MBOAT1: variants seen among roughly 807,000 people sequenced by gnomAD.
MBOAT1 encodes the protein membrane-bound glycerophospholipid O-acyltransferase 1.
MBOAT1 carries 67 observed loss-of-function variants against 64.4 expected under a neutral mutation model. That is an observed-to-expected ratio of 1.04 (90% CI 0.85 to 1.27). MBOAT1 has a LOEUF of 1.27. MBOAT1 is among the 50% of genes most tolerant of loss of function. The pLI is 0.00. For synonymous variants in MBOAT1, 229 were observed against 218.9 expected (o/e 1.05, Z -0.41); for missense variants, 563 against 604.6 (o/e 0.93, Z 0.72).
intron 11 of MBOAT1, 35 bp from the exon 12 acceptor site, chr6:20,109,784 G>A: frequency 6.3e-7 from 1 of 1,594,228 alleles, no homozygotes; most frequent in Non-Finnish European, 8.6e-7. Flanking sequence ...AGTGAGGAGG[G>A]GGTGAAAAAC....
chr6:20,118,432 C>T lies in MBOAT1; in HGVS notation c.1011+5G>A. 6.2e-7 allele frequency: 1 copy of T among 1,611,236 alleles called. No individual in the cohort carries two copies. Among genetic ancestry groups the T allele is most frequent in the Middle Eastern group, 1.7e-4 (1 of 6,058 alleles). The stretch of plus-strand genomic sequence containing the variant: ...TGGAAGTTGGACTTAAAAGCATACA[C>T]TCACCTCAATTTTCCAGATGTTTAG... On this transcript the variant is annotated splice_donor_5th_base_variant and intron_variant, in intron 9 of 12. Coordinates refer to ENST00000324607, the MANE Select transcript of MBOAT1 (RefSeq NM_001080480.3).
At position 20,115,254 on chromosome 6, in the gene MBOAT1, C is replaced by T. The variant is rs376364954; in HGVS notation, c.1076+34G>A. 4.8e-5 allele frequency: 74 copies of T among 1,538,978 alleles called. No individual in the cohort carries two copies. The Middle Eastern group carries it at 8.4e-4, about 18-fold the overall frequency. On this transcript the variant is annotated intron_variant, in intron 10 of 12. Transcript: ENST00000324607. Reference sequence around the variant, plus strand: ...ACTCCCCTCTGAACATATCCCAGTGCCCTAAGTAATGAGGTCGTTTTTGTT... The same window carrying T: ...ACTCCCCTCTGAACATATCCCAGTGTCCTAAGTAATGAGGTCGTTTTTGTT...
At chr6:20,159,389 C>G (rs575012353) in intron 1 of MBOAT1, among the ~76,000 whole-genome samples, 1 of 152,192 alleles carries the variant, frequency 6.6e-6, no homozygotes, top group East Asian at 1.9e-4. Flanking sequence ...TAAGTGCCAT[C>G]AAGGGATGAA....
chr6:20,147,638 C>CA (rs764732647), intron 3 of MBOAT1, among the ~76,000 whole-genome samples: 1,953 of 96,048 alleles, frequency 0.02, 39 homozygotes, highest in African/African-American at 0.049. Context: ...AACTCCGTCT[C>CA]AAAAAAAAAA....
At chr6:20,179,823 T>C (rs1236860620) in intron 1 of MBOAT1, among the ~76,000 whole-genome samples, 2 of 152,202 alleles carry the variant, frequency 1.3e-5, no homozygotes, top group South Asian at 4.1e-4. Context: ...CCAGCATCTG[T>C]TGTTTTTTAA....
At position 20,131,158 on chromosome 6, in the gene MBOAT1, A is replaced by G; in HGVS notation, c.461T>C (p.Phe154Ser). ...IVTQKITTLAFQVHDGLGRRA... is the reference protein window; with the variant it reads ...IVTQKITTLASQVHDGLGRRA... ...GCTGTTCTTACCATCATGAACCTGG[A>G]ATGCCAAGGTTGTGATCTTCTGAGT... Residue 154 changes from phenylalanine (F) to serine (S), a missense_variant, in exon 5 of 13, where the codon TTC becomes TCC. Phe to Ser is a radical substitution (Grantham distance 155). Transcript: ENST00000324607. 6.2e-7 allele frequency: 1 copy of G among 1,613,914 alleles called. No individual in the cohort carries two copies. The highest frequency in any genetic ancestry group is 8.5e-7 in the Non-Finnish European group (1 of 1,179,798).
chr6:20,212,050 G>A (rs1763443933), intron 1 of MBOAT1, 86 bp downstream of exon 1: 4 of 1,194,070 alleles, frequency 3.3e-6, no homozygotes, highest in South Asian at 1.3e-5. Flanking sequence ...CCATGGAGGC[G>A]GAGGGACGGT....
At chr6:20,132,582 T>C (rs1760863742) in intron 4 of MBOAT1, among the ~76,000 whole-genome samples, 1 of 152,148 alleles carries the variant, frequency 6.6e-6, no homozygotes, top group Admixed American at 6.6e-5. Flanking sequence ...CAATTCAAAA[T>C]GGATCAAAGA....
At chr6:20,159,464 T>C (rs938944062) in intron 1 of MBOAT1, among the ~76,000 whole-genome samples, 42 of 152,168 alleles carry the variant, frequency 2.8e-4, no homozygotes, top group African/African-American at 9.9e-4. Context: ...AAGCAGGAAG[T>C]TCTGTCATTT....
At chr6:20,151,554 GTTCT>G (rs1416618523) in intron 2 of MBOAT1, among the ~76,000 whole-genome samples, 3 of 152,212 alleles carry the variant, frequency 2.0e-5, no homozygotes, top group Admixed American at 6.5e-5. Flanking sequence ...AGAGAGATGA[GTTCT>G]TTCTTTAAGA....
chr6:20,165,878 G>A (rs995304614), intron 1 of MBOAT1, among the ~76,000 whole-genome samples: 1 of 151,974 alleles, frequency 6.6e-6, no homozygotes, highest in Non-Finnish European at 1.5e-5. Flanking sequence ...AGGCATCTAG[G>A]AGAACTACAT....
At chr6:20,184,171 TC>T (rs1762583485) in intron 1 of MBOAT1, among the ~76,000 whole-genome samples, 1 of 152,048 alleles carries the variant, frequency 6.6e-6, no homozygotes, top group Non-Finnish European at 1.5e-5. Flanking sequence ...GGACAGGAAC[TC>T]AAAGCAAGAG....
intron 1 of MBOAT1, among the ~76,000 whole-genome samples, chr6:20,174,461 T>G (rs1217773488): frequency 6.6e-6 from 1 of 152,146 alleles, no homozygotes; most frequent in African/African-American, 2.4e-5. Context: ...ATAGAAAAGA[T>G]ACAGTAATAA....
At chr6:20,136,365 T>C (rs1287102624) in intron 4 of MBOAT1, among the ~76,000 whole-genome samples, 1 of 152,264 alleles carries the variant, frequency 6.6e-6, no homozygotes, top group African/African-American at 2.4e-5. Flanking sequence ...ATTTGAATAT[T>C]CTCTATATTC....
At chr6:20,150,682 C>T (rs147420602) in intron 3 of MBOAT1, among the ~76,000 whole-genome samples, 3 of 150,554 alleles carry the variant, frequency 2.0e-5, no homozygotes, top group Non-Finnish European at 3.0e-5. Flanking sequence ...CCTGCCTCAG[C>T]GTCCCTGAGT....
intron 3 of MBOAT1, among the ~76,000 whole-genome samples, chr6:20,148,579 T>C (rs887210536): frequency 1.3e-5 from 2 of 152,166 alleles, no homozygotes; most frequent in Non-Finnish European, 2.9e-5. Flanking sequence ...GCGTTCAAAC[T>C]GCTGCAAAAC....
intron 1 of MBOAT1, among the ~76,000 whole-genome samples, chr6:20,160,972 A>C (rs1761836695): frequency 6.6e-6 from 1 of 152,170 alleles, no homozygotes; most frequent in African/African-American, 2.4e-5. Flanking sequence ...AAGACCTCTA[A>C]TTCAGGGGTT....
At chr6:20,168,421 C>T (rs1257113265) in intron 1 of MBOAT1, among the ~76,000 whole-genome samples, 17 of 150,878 alleles carry the variant, frequency 1.1e-4, no homozygotes, top group African/African-American at 4.2e-4. Flanking sequence ...GCTGAGATCA[C>T]CCCACTGCCC....
Position 20,110,370 on chromosome 6 carries a change from GC to G in MBOAT1, c.1210-622del, listed in dbSNP as rs557763299. On this transcript the variant is annotated intron_variant, in intron 11 of 12. Coordinates refer to ENST00000324607, the MANE Select transcript of MBOAT1 (RefSeq NM_001080480.3). The stretch of plus-strand genomic sequence containing the variant: ...TGAGACTAAAGGCACATGCCACCAT[GC>G]CCAGCTAAGTTTTAAAAAATTTTTG... Among the ~76,000 whole-genome samples, 158 of 151,830 alleles carry G rather than the reference GC, an allele frequency of 1.0e-3. 1 individual carries two copies. The highest frequency in any genetic ancestry group is 3.4e-3 in the African/African-American group (141 of 41,400).
Sources: allele counts gnomAD v4.1 joint callset (sites outside exome capture counted in the v4.1 genomes callset), GRCh38; gene constraint gnomAD v4.1.1; transcripts MANE v1.5; gene names NCBI Gene and HGNC (gene_info 2026-07-23, HGNC 2026-07-21).